The following NSD2 variants were observed in gnomAD, a reference collection of about 807,000 sequenced individuals.
NSD2 encodes the protein histone-lysine N-methyltransferase NSD2.
Under a neutral mutation model 139.0 loss-of-function variants are expected in NSD2, and 12 were observed. That is an observed-to-expected ratio of 0.09 (90% CI 0.06 to 0.14). The LOEUF (loss-of-function observed/expected upper bound fraction) is 0.14, where lower values mean the gene tolerates loss of function less well. Among genes scored for constraint, NSD2 ranks in the 10% least tolerant of loss-of-function variants. The pLI is 1.00. For missense variants in NSD2, 1,155 were observed against 1,745.0 expected, an observed-to-expected ratio of 0.66 and a Z score of 6.02; for synonymous variants, 669 against 648.7, an observed-to-expected ratio of 1.03 and a Z score of -0.48.
At chr4:1,975,256 G>A (rs550355435) in intron 19 of NSD2, 38 bp from the exon 20 acceptor site, 1 of 1,592,734 alleles carries the variant, frequency 6.3e-7, no homozygotes, top group Non-Finnish European at 8.6e-7. Flanking sequence ...GAGAAAGGCA[G>A]GTGTTTCCAA....
Position 1,921,455 on chromosome 4 carries a change from C to G in NSD2, c.1410+2832C>G, listed in dbSNP as rs112586954. On this transcript the variant is annotated intron_variant, in intron 5 of 21. Coordinates refer to ENST00000508803, the MANE Select transcript of NSD2 (RefSeq NM_001042424.3). ...GCCTGGCGACAGAGCGAGACTCCGT[C>G]TCAAATTAAAAAAAAAAAGCATTCT... Among the ~76,000 whole-genome samples, 1,396 of 149,956 alleles carry G rather than the reference C, an allele frequency of 9.3e-3. 14 individuals carry two copies. Among genetic ancestry groups the G allele is most frequent in the Non-Finnish European group, 0.01 (685 of 67,594 alleles).
At chr4:1,897,466 C>T (rs1395187506) in intron 1 of NSD2, among the ~76,000 whole-genome samples, 5 of 151,606 alleles carry the variant, frequency 3.3e-5, no homozygotes, top group East Asian at 1.9e-4. Context: ...ACTCCAGCTT[C>T]GGTGGTAGTG....
chr4:1,877,304 C>G (rs1320643846), intron 1 of NSD2, among the ~76,000 whole-genome samples: 1 of 152,176 alleles, frequency 6.6e-6, no homozygotes, highest in African/African-American at 2.4e-5. Context: ...TCTCTACACA[C>G]TGCCTTGTCT....
chr4:1,884,157 A>G (rs1324163118), intron 1 of NSD2, among the ~76,000 whole-genome samples: 3 of 146,718 alleles, frequency 2.0e-5, no homozygotes, highest in Admixed American at 1.4e-4. Flanking sequence ...GTGCAGTGGC[A>G]TGATCTTGGC....
chr4:1,939,612 G>C (rs766275264), intron 8 of NSD2, 42 bp from the exon 9 acceptor site: 7 of 1,592,882 alleles, frequency 4.4e-6, no homozygotes, highest in East Asian at 4.5e-5. Flanking sequence ...AAAGATCAAG[G>C]GTTTATGATT....
intron 1 of NSD2, among the ~76,000 whole-genome samples, chr4:1,884,458 A>G (rs367666671): frequency 1.3e-5 from 2 of 152,058 alleles, no homozygotes; most frequent in African/African-American, 2.4e-5. Flanking sequence ...CAGTGGCCCA[A>G]TCTTGGCTCA....
rs187741323 is a variant in NSD2, at chr4:1,898,785, A to T, written c.-29-1841A>T. 6.7e-3 allele frequency among the ~76,000 whole-genome samples: 986 copies of T among 147,614 alleles called. 12 individuals carry two copies. Among genetic ancestry groups the T allele is most frequent in the African/African-American group, 0.024 (946 of 39,562 alleles). Reference sequence around the variant, plus strand: ...TCAGCCTGGAATTTGGGCAGAGTTTATAGGCAGAATTTGGGACTCCCCTCT... The same window carrying T: ...TCAGCCTGGAATTTGGGCAGAGTTTTTAGGCAGAATTTGGGACTCCCCTCT... On this transcript the variant is annotated intron_variant, in intron 1 of 21. Transcript: ENST00000508803.
In NSD2 at chr4:1,982,032, G is replaced by T; in HGVS notation, c.*3123G>T. 2.5e-6 allele frequency: 1 copy of T among 398,180 alleles called. No individual in the cohort carries two copies. The highest frequency in any genetic ancestry group is 1.3e-4 in the South Asian group (1 of 7,630). 24.7% of individuals were successfully genotyped at this position (398,180 alleles called of 1,614,324 possible). A position where few individuals can be genotyped will look rare whatever the true frequency, so the allele number is the denominator to read the frequency against. On this transcript the variant is annotated 3_prime_UTR_variant, in exon 22 of 22. Coordinates refer to ENST00000508803, the MANE Select transcript of NSD2 (RefSeq NM_001042424.3). The stretch of plus-strand genomic sequence containing the variant: ...AATACTGGGTGCTGTCACCAGGTTT[G>T]ATAGTTAGACTTAAAAACTTGAAAT...
intron 5 of NSD2, among the ~76,000 whole-genome samples, chr4:1,925,300 T>G (rs1391525155): frequency 2.0e-5 from 3 of 152,080 alleles, no homozygotes; most frequent in Non-Finnish European, 2.9e-5. Flanking sequence ...TTCTGTGCCT[T>G]CCTTTTCTAG....
intron 1 of NSD2, among the ~76,000 whole-genome samples, chr4:1,897,257 A>G (rs1055737831): frequency 2.0e-5 from 3 of 151,282 alleles, no homozygotes; most frequent in Non-Finnish European, 2.9e-5. Flanking sequence ...TGAGATGGGA[A>G]GATCCCTTGA....
intron 21 of NSD2, among the ~76,000 whole-genome samples, chr4:1,978,315 G>A (rs575486565): frequency 6.6e-6 from 1 of 152,298 alleles, no homozygotes; most frequent in Non-Finnish European, 1.5e-5. Context: ...CAGGTCACAT[G>A]GAAATCAGCA....
At chr4:1,967,189 A>G (rs1463188041) in intron 18 of NSD2, among the ~76,000 whole-genome samples, 5 of 152,216 alleles carry the variant, frequency 3.3e-5, no homozygotes. Context: ...GAAATAGACA[A>G]ATTCCTAGAA....
At chr4:1,940,699 G>A (rs903033106) in intron 9 of NSD2, 1 of 1,061,258 alleles carries the variant, frequency 9.4e-7, no homozygotes, top group African/African-American at 1.6e-5. Context: ...GTGAGGCAAG[G>A]GTTGGACAGG....
Position 1,975,483 on chromosome 4 carries a change from G to A in NSD2, c.3621+83G>A, listed in dbSNP as rs200636191. 13 of 1,284,570 alleles carry A rather than the reference G, an allele frequency of 1.0e-5. No homozygotes were observed. The East Asian group carries it at 2.1e-4, about 21-fold the overall frequency. 79.6% of individuals were successfully genotyped at this position (1,284,570 alleles called of 1,614,324 possible). ...GAGACCTGTGTCCCCCGTGAACAGCGGCTTCCTCCAGGCTGGCTTGTTGCC... is the reference window on the plus strand; with the variant it reads ...GAGACCTGTGTCCCCCGTGAACAGCAGCTTCCTCCAGGCTGGCTTGTTGCC... On this transcript the variant is annotated intron_variant, in intron 20 of 21. Coordinates refer to ENST00000508803, the MANE Select transcript of NSD2 (RefSeq NM_001042424.3).
chr4:1,955,715 G>A lies in NSD2; in HGVS notation c.2541G>A (p.Glu847=). ...CSKGGSLLCC[E]SCPAAFHPDC... is the part of the protein sequence containing the mutation. ...CAGGGGGGAGCCTTCTGTGCTGTGA[G>A]TCCTGCCCAGCGGCCTTCCACCCTG... The change falls in exon 14 of 22, where the codon GAG becomes GAA. Residue 847 remains glutamate, a synonymous_variant. Coordinates refer to ENST00000508803, the MANE Select transcript of NSD2 (RefSeq NM_001042424.3). The surrounding 1 kb of genome is among the most constrained non-coding windows in gnomAD (Gnocchi z 4.7). 1 of 1,613,806 alleles carries A rather than the reference G, an allele frequency of 6.2e-7. No homozygotes were observed. The highest frequency in any genetic ancestry group is 8.5e-7 in the Non-Finnish European group (1 of 1,179,878).
At chr4:1,906,025 T>C (rs1717850751) in intron 3 of NSD2, among the ~76,000 whole-genome samples, 1 of 152,192 alleles carries the variant, frequency 6.6e-6, no homozygotes, top group African/African-American at 2.4e-5. Flanking sequence ...TTCTCTGCTT[T>C]CTAAAACCAG....
At chr4:1,939,437 T>C in intron 8 of NSD2, 2 of 579,750 alleles carry the variant, frequency 3.4e-6, no homozygotes, top group Non-Finnish European at 6.1e-6. Flanking sequence ...AGGTTGATGT[T>C]TTTGGGGGCC....
At chr4:1,932,036 G>T (rs1188669974) in intron 6 of NSD2, among the ~76,000 whole-genome samples, 1 of 152,174 alleles carries the variant, frequency 6.6e-6, no homozygotes, top group Non-Finnish European at 1.5e-5. Context: ...TCAGGTGTAT[G>T]CAGGTTCTTG....
chr4:1,955,504 C>T lies in NSD2; in HGVS notation c.2518+164C>T, dbSNP rs1724718274. On this transcript the variant is annotated intron_variant, in intron 13 of 21. Transcript: ENST00000508803. The surrounding 1 kb of genome is among the most constrained non-coding windows in gnomAD (Gnocchi z 4.7). ...ACAGTAGCTCTAAATTAATTGTAAT[C>T]ATTTCGCAAACATACAGGAAATTAT... 4 of 1,232,262 alleles carry T rather than the reference C, an allele frequency of 3.2e-6. No individual in the cohort carries two copies. Among genetic ancestry groups the T allele is most frequent in the Non-Finnish European group, 4.4e-6 (4 of 915,158 alleles). The allele number at this position is 1,232,262 out of a possible 1,614,324, so 76.3% of individuals were successfully genotyped here.
Sources: allele counts gnomAD v4.1 joint callset (sites outside exome capture counted in the v4.1 genomes callset), GRCh38; gene constraint gnomAD v4.1.1; non-coding constraint Gnocchi (gnomAD v3.1); transcripts MANE v1.5; gene names NCBI Gene and HGNC (gene_info 2026-07-23, HGNC 2026-07-21).